The following CAST variants were observed in gnomAD, a reference collection of about 807,000 sequenced individuals.
CAST encodes the protein calpastatin, also known as MIR583 host.
CAST carries 76 observed loss-of-function variants against 119.6 expected under a neutral mutation model. That is an observed-to-expected ratio of 0.64 (90% CI 0.53 to 0.77). CAST has a LOEUF of 0.77. Ranked by LOEUF, CAST falls within the 30% of genes least tolerant of loss-of-function variation. The probability of loss-of-function intolerance (pLI) is 0.00; values close to 1 mark genes in which losing one functional copy is unlikely to be tolerated. For missense variants in CAST, 953 were observed against 946.5 expected (o/e 1.01, Z -0.09); for synonymous variants, 319 against 331.6 (o/e 0.96, Z 0.41).
Position 96,559,703 on chromosome 5 carries a change from G to A in CAST, c.60+29823G>A, listed in dbSNP as rs998199482. ...CAAACCACTGCTCAATGAAATAAAA[G>A]AGGATACAAGCAAATGGAAGAACAT... On this transcript the variant is annotated intron_variant, in intron 1 of 11. Transcript: ENST00000505143. Among the ~76,000 whole-genome samples the A allele has an allele frequency of 7.9e-5, 12 of 152,304 alleles. 3 individuals carry two copies.
At chr5:96,552,064 A>C (rs1746141320) in intron 1 of CAST, among the ~76,000 whole-genome samples, 1 of 152,150 alleles carries the variant, frequency 6.6e-6, no homozygotes, top group Admixed American at 6.6e-5. Context: ...TGAGCCAAGC[A>C]GACCTAATAG....
the CAST span, among the ~76,000 whole-genome samples, chr5:96,203,318 A>G: frequency 6.7e-6 from 1 of 150,336 alleles, no homozygotes; most frequent in Non-Finnish European, 1.5e-5. Flanking sequence ...GCTATTCCAC[A>G]AATTTTTTTT....
chr5:96,581,349 A>AT (rs977421373), intron 1 of CAST, among the ~76,000 whole-genome samples: 2 of 152,140 alleles, frequency 1.3e-5, no homozygotes, highest in African/African-American at 4.8e-5. Context: ...ACAATGGGAT[A>AT]TTTTTTTCAG....
chr5:96,211,027 AC>A, the CAST span, among the ~76,000 whole-genome samples: 1 of 151,942 alleles, frequency 6.6e-6, no homozygotes. Context: ...CTATCCTATG[AC>A]CTTGTTGAAC....
the CAST span, among the ~76,000 whole-genome samples, chr5:96,157,391 T>C: frequency 2.0e-5 from 3 of 152,278 alleles, no homozygotes; most frequent in Admixed American, 6.5e-5. Flanking sequence ...GTTGTCTAAG[T>C]TGGAGAAACC....
intron 1 of CAST, among the ~76,000 whole-genome samples, chr5:96,567,905 T>C (rs1201538823): frequency 6.6e-6 from 1 of 152,116 alleles, no homozygotes; most frequent in Non-Finnish European, 1.5e-5. Flanking sequence ...GATTTTGGCC[T>C]TTTAATCTGC....
the CAST span, among the ~76,000 whole-genome samples, chr5:96,456,717 G>A: frequency 6.6e-6 from 1 of 152,204 alleles, no homozygotes; most frequent in Non-Finnish European, 1.5e-5. Flanking sequence ...GGGATCTAGA[G>A]AGGTAGTGAT....
intron 1 of CAST, among the ~76,000 whole-genome samples, chr5:96,663,821 C>G (rs1184727131): frequency 6.6e-6 from 1 of 151,938 alleles, no homozygotes; most frequent in African/African-American, 2.4e-5. Flanking sequence ...GGGACAAGAA[C>G]ATTCCATTTG....
At chr5:96,481,606 C>A in the CAST span, among the ~76,000 whole-genome samples, 1 of 152,136 alleles carries the variant, frequency 6.6e-6, no homozygotes, top group Non-Finnish European at 1.5e-5. Flanking sequence ...CATGATCTCT[C>A]CCTGGGAGCA....
intron 1 of CAST, among the ~76,000 whole-genome samples, chr5:96,617,579 G>T (rs948512918): frequency 1.1e-4 from 16 of 151,868 alleles, no homozygotes; most frequent in Non-Finnish European, 1.6e-4. Flanking sequence ...CACAAGGTCA[G>T]GAGATCGAGA....
At chr5:96,022,919 T>C in the CAST span, among the ~76,000 whole-genome samples, 1 of 152,166 alleles carries the variant, frequency 6.6e-6, no homozygotes, top group Non-Finnish European at 1.5e-5. Flanking sequence ...AGTTGCTTTG[T>C]TTAAAGTCAA....
At chr5:96,699,818 A>T (rs1753679305) in intron 3 of CAST, among the ~76,000 whole-genome samples, 1 of 152,222 alleles carries the variant, frequency 6.6e-6, no homozygotes, top group Non-Finnish European at 1.5e-5. Flanking sequence ...GCTGAATGAC[A>T]GATATCCATG....
chr5:96,054,890 G>C, the CAST span, among the ~76,000 whole-genome samples: 1 of 152,128 alleles, frequency 6.6e-6, no homozygotes, highest in African/African-American at 2.4e-5. Context: ...CCCAGCTTTA[G>C]TTTTCATCTT....
chr5:96,457,559 T>G, the CAST span, among the ~76,000 whole-genome samples: 3 of 152,212 alleles, frequency 2.0e-5, no homozygotes, highest in Non-Finnish European at 2.9e-5. Flanking sequence ...GGCTGCCTTC[T>G]CAAATGTACT....
At chr5:96,138,137 G>A in the CAST span, among the ~76,000 whole-genome samples, 1 of 151,734 alleles carries the variant, frequency 6.6e-6, no homozygotes, top group Non-Finnish European at 1.5e-5. Context: ...TTTAAGTCTG[G>A]GATCCAGTTG....
chr5:96,659,009 T>C (rs1368327507), upstream of CAST, among the ~76,000 whole-genome samples: 2 of 152,254 alleles, frequency 1.3e-5, no homozygotes, highest in Non-Finnish European at 2.9e-5. Flanking sequence ...CTTTCAAGTA[T>C]ATATTTATAT....
intron 1 of CAST, among the ~76,000 whole-genome samples, chr5:96,562,035 G>A (rs80345864): frequency 6.6e-6 from 1 of 150,402 alleles, no homozygotes; most frequent in African/African-American, 2.4e-5. Context: ...CTCGTGATCC[G>A]CCCGCCTCGG....
At position 96,711,970 on chromosome 5, in the gene CAST, A is replaced by ATTG. The variant is rs201749698; in HGVS notation, c.211-10667_211-10666insGTT. Among the ~76,000 whole-genome samples, 593 of 152,350 alleles carry ATTG rather than the reference A, an allele frequency of 3.9e-3. 10 individuals carry two copies. The highest frequency in any genetic ancestry group is 0.033 in the South Asian group (158 of 4,830). ...TTAGCCATTTTGGAATATGGTGAAAATTAATAGTAAAATTAAATAGCACAT... is the reference window on the plus strand; with the variant it reads ...TTAGCCATTTTGGAATATGGTGAAAATTGTTAATAGTAAAATTAAATAGCACAT... On this transcript the variant is annotated intron_variant, in intron 3 of 31. Coordinates refer to ENST00000675179, the MANE Select transcript of CAST (RefSeq NM_001750.7).
chr5:95,991,497 G>GTTTTTTTT, the CAST span, among the ~76,000 whole-genome samples: 8 of 64,958 alleles, frequency 1.2e-4, no homozygotes, highest in Non-Finnish European at 1.4e-4. Flanking sequence ...AACAAGTTTT[G>GTTTTTTTT]TTTTTTTTTT....
Sources: allele counts gnomAD v4.1 joint callset (sites outside exome capture counted in the v4.1 genomes callset), GRCh38; gene constraint gnomAD v4.1.1; transcripts MANE v1.5; gene names NCBI Gene and HGNC (gene_info 2026-07-23, HGNC 2026-07-21).